ESYT2: variants seen among roughly 807,000 people sequenced by gnomAD.
ESYT2 encodes the protein extended synaptotagmin 2.
ESYT2 carries 54 observed loss-of-function variants against 107.2 expected under a neutral mutation model. That is an observed-to-expected ratio of 0.50 (90% CI 0.40 to 0.63). The LOEUF (loss-of-function observed/expected upper bound fraction) is 0.63, where lower values mean the gene tolerates loss of function less well. Among genes scored for constraint, ESYT2 ranks in the 30% least tolerant of loss-of-function variants. The pLI, the probability that ESYT2 is intolerant of heterozygous loss-of-function variation, is 0.00. For missense variants in ESYT2, 1,020 were observed against 1,094.5 expected (o/e 0.93, Z 0.96); for synonymous variants, 491 against 434.1 (o/e 1.13, Z -1.63).
chr7:158,741,471 G>GA lies in ESYT2; in HGVS notation c.2168+51_2168+52insT. 4 of 1,221,316 alleles carry GA rather than the reference G, an allele frequency of 3.3e-6. No individual in the cohort carries two copies. The East Asian group carries it at 1.1e-4, about 32-fold the overall frequency. 75.7% of individuals were successfully genotyped at this position (1,221,316 alleles called of 1,614,324 possible). On this transcript the variant is annotated intron_variant, in intron 18 of 22. Transcript: ENST00000275418. The stretch of plus-strand genomic sequence containing the variant: ...TTAAACGACTCTCCCCCAGCGTGGG[G>GA]TGGGGGGCGCTTGCTCTGCTGGTGA...
intron 16 of ESYT2, among the ~76,000 whole-genome samples, chr7:158,747,119 G>C (rs1164455747): frequency 6.6e-6 from 1 of 151,990 alleles, no homozygotes; most frequent in African/African-American, 2.4e-5. Flanking sequence ...GCCACAGTGG[G>C]CGGATCAGCT....
At chr7:158,790,945 T>G (rs1016438963) in intron 4 of ESYT2, among the ~76,000 whole-genome samples, 3 of 151,152 alleles carry the variant, frequency 2.0e-5, no homozygotes, top group Non-Finnish European at 2.9e-5. Flanking sequence ...ATAAATGAAT[T>G]AATTAACACC....
intron 11 of ESYT2, among the ~76,000 whole-genome samples, chr7:158,760,830 T>A (rs1402824031): frequency 1.3e-5 from 2 of 152,202 alleles, no homozygotes. Flanking sequence ...TGGGCAGGAC[T>A]GTCCATCCAG....
chr7:158,754,526 A>G (rs1205471048), intron 13 of ESYT2, among the ~76,000 whole-genome samples: 3 of 151,866 alleles, frequency 2.0e-5, no homozygotes, highest in Non-Finnish European at 4.4e-5. Flanking sequence ...TTTTTAAATG[A>G]CAGCCAAAAT....
Position 158,822,726 on chromosome 7 carries a change from C to T in ESYT2, c.330+6363G>A, listed in dbSNP as rs185722855. 9.3e-5 allele frequency among the ~76,000 whole-genome samples: 14 copies of T among 150,596 alleles called. No individual in the cohort carries two copies. In the East Asian group the frequency reaches 2.0e-3, roughly 21 times the overall value. On this transcript the variant is annotated intron_variant, in intron 1 of 22. Transcript: ENST00000275418. ...CTCAGGAGGCTGAGGCAGGAGGATC[C>T]CTCAAGCCTAGGAGTTCGAGGCCAG...
chr7:158,767,406 C>G (rs1838200148), intron 8 of ESYT2, among the ~76,000 whole-genome samples: 1 of 152,168 alleles, frequency 6.6e-6, no homozygotes, highest in Admixed American at 6.5e-5. Context: ...TCCCTATCAG[C>G]CCCTCTGAGG....
intron 6 of ESYT2, among the ~76,000 whole-genome samples, chr7:158,781,515 A>G (rs937109669): frequency 6.6e-6 from 1 of 151,940 alleles, no homozygotes; most frequent in African/African-American, 2.4e-5. Flanking sequence ...GTGTGAGAAC[A>G]AAGTGTGAGA....
rs1411073550 is a variant in ESYT2, at chr7:158,732,243, C to T, written c.*1964G>A. Reference sequence around the variant, plus strand: ...CTGCTTTATAGATTATGACAGAAGACTTTCAACAGACCTGATTTTTAAAAA... The same window carrying T: ...CTGCTTTATAGATTATGACAGAAGATTTTCAACAGACCTGATTTTTAAAAA... On this transcript the variant is annotated 3_prime_UTR_variant, in exon 23 of 23. Transcript: ENST00000275418. 3 of 152,182 alleles carry T rather than the reference C, an allele frequency of 2.0e-5. No individual in the cohort carries two copies. The highest frequency in any genetic ancestry group is 7.2e-5 in the African/African-American group (3 of 41,442). The allele number at this position is 152,182 out of a possible 1,614,324, so 9.4% of individuals were successfully genotyped here. A position where few individuals can be genotyped will look rare whatever the true frequency, so the allele number is the denominator to read the frequency against.
chr7:158,738,342 CAG>C (rs1487392158), intron 19 of ESYT2, among the ~76,000 whole-genome samples: 998 of 64,446 alleles, frequency 0.015, 44 homozygotes, highest in East Asian at 0.13. Context: ...CACACACACA[CAG>C]ACACACACAC....
chr7:158,801,000 C>T (rs549952908), intron 1 of ESYT2, among the ~76,000 whole-genome samples: 6 of 152,256 alleles, frequency 3.9e-5, no homozygotes, highest in Admixed American at 1.3e-4. Flanking sequence ...CAGCACCCCC[C>T]GAGTGGCACA....
intron 7 of ESYT2, among the ~76,000 whole-genome samples, chr7:158,769,507 C>T (rs186661266): frequency 7.2e-4 from 109 of 152,352 alleles, no homozygotes; most frequent in Non-Finnish European, 1.1e-3. Flanking sequence ...TAGGTCTCCA[C>T]AGAAGCGTCT....
intron 19 of ESYT2, among the ~76,000 whole-genome samples, chr7:158,738,276 C>T (rs914849569): frequency 6.7e-6 from 1 of 148,232 alleles, no homozygotes; most frequent in Non-Finnish European, 1.5e-5. Flanking sequence ...TGTGCCACTG[C>T]ACTCCAGCCT....
At chr7:158,746,256 G>A (rs113843637) in intron 16 of ESYT2, among the ~76,000 whole-genome samples, 6 of 110,766 alleles carry the variant, frequency 5.4e-5, no homozygotes, top group East Asian at 8.3e-4. Flanking sequence ...ACACACACAC[G>A]CCCCTCCAAC....
chr7:158,796,084 C>CA (rs1839448212), intron 3 of ESYT2, among the ~76,000 whole-genome samples: 1 of 152,206 alleles, frequency 6.6e-6, no homozygotes, highest in Non-Finnish European at 1.5e-5. Flanking sequence ...CAGACCCTCC[C>CA]ACAGCCACAT....
At chr7:158,828,447 G>A (rs191281234) in intron 1 of ESYT2, among the ~76,000 whole-genome samples, 1,659 of 152,336 alleles carry the variant, frequency 0.011, 22 homozygotes, top group African/African-American at 0.038. Flanking sequence ...GCGCGCTCCG[G>A]GCAGGGCCGC....
rs1301833352 is a variant in ESYT2 at position 158,763,096 on chromosome 7, C to T, written c.1171G>A (p.Asp391Asn). The T allele has an allele frequency of 6.2e-7, 1 of 1,612,554 alleles. No individual in the cohort carries two copies. The highest frequency in any genetic ancestry group is 8.5e-7 in the Non-Finnish European group (1 of 1,179,180). Residue 391 changes from aspartate to asparagine, a missense_variant, in exon 10 of 23, where the codon GAC (aspartate) becomes AAC (asparagine). Coordinates refer to ENST00000275418, the MANE Select transcript of ESYT2 (RefSeq NM_001367773.1). ...ELFDEDPDKD[D>N]FLGSLMIDLI... ...GGCTTTATTTACCTTCCTAAAAAGT[C>T]ATCCTTGTCTGGGTCTTCATCAAAG...
At position 158,731,847 on chromosome 7, in the gene ESYT2, G is replaced by A. The variant is rs1425340373; in HGVS notation, c.*2360C>T. 6.6e-6 allele frequency: 1 copy of A among 152,578 alleles called. No individual in the cohort carries two copies. The highest frequency in any genetic ancestry group is 2.4e-5 in the African/African-American group (1 of 41,440). The allele number at this position is 152,578 out of a possible 1,614,324, so 9.5% of individuals were successfully genotyped here. ...ACTCAAGAGTGTCTGACATCGCTGG[G>A]ATCCTGGAGTGCTGAGTGTGGCCTC... is the stretch of plus-strand genomic sequence containing the variant. On this transcript the variant is annotated 3_prime_UTR_variant, in exon 23 of 23. Transcript: ENST00000275418.
chr7:158,755,922 C>T (rs1837739413), intron 13 of ESYT2, among the ~76,000 whole-genome samples: 1 of 152,062 alleles, frequency 6.6e-6, no homozygotes, highest in Non-Finnish European at 1.5e-5. Flanking sequence ...AGGTAAATGA[C>T]GAGTTGGTGT....
chr7:158,749,508 A>T (rs1483668523), intron 15 of ESYT2, 141 bp downstream of exon 15: 1 of 695,780 alleles, frequency 1.4e-6, no homozygotes, highest in Non-Finnish European at 2.4e-6. Context: ...AAGAAAAAAT[A>T]GATCTGAAAA....
Sources: gnomAD v4.1 joint callset for allele counts (sites outside exome capture counted in the v4.1 genomes callset) on GRCh38, gnomAD v4.1.1 for gene constraint, MANE v1.5 for transcripts, NCBI Gene and HGNC (gene_info 2026-07-23, HGNC 2026-07-21) for gene names.